SDK1: variants seen among roughly 807,000 people sequenced by gnomAD.
The protein encoded by SDK1 is protein sidekick-1.
SDK1 carries 157 observed loss-of-function variants against 245.5 expected under a neutral mutation model. The observed-to-expected ratio is 0.64, with a 90% CI of 0.56 to 0.73. The LOEUF (loss-of-function observed/expected upper bound fraction) is 0.73. SDK1 is among the 30% of genes least tolerant of loss of function. The pLI, the probability that SDK1 is intolerant of heterozygous loss-of-function variation, is 0.00. For missense variants in SDK1, 3,583 were observed against 3,002.3 expected (o/e 1.19, Z -4.52); for synonymous variants, 1,647 against 1,278.5 (o/e 1.29, Z -6.15).
chr7:3,666,590 T>C (rs1783541415), intron 4 of SDK1, among the ~76,000 whole-genome samples: 1 of 152,186 alleles, frequency 6.6e-6, no homozygotes, highest in African/African-American at 2.4e-5. Context: ...GCCTTGCTTC[T>C]CTGTATATCA....
chr7:4,058,364 A>G (rs913963875), intron 19 of SDK1, among the ~76,000 whole-genome samples: 4 of 152,214 alleles, frequency 2.6e-5, no homozygotes, highest in Non-Finnish European at 4.4e-5. Context: ...GTCACCATAA[A>G]GGAATGAGTA....
chr7:3,602,162 C>T (rs62437877), intron 1 of SDK1, among the ~76,000 whole-genome samples: 1 of 151,520 alleles, frequency 6.6e-6, no homozygotes, highest in Non-Finnish European at 1.5e-5. Flanking sequence ...CTTTATAGCA[C>T]AATGATTTAT....
At chr7:3,532,669 G>T (rs923360467) in intron 1 of SDK1, among the ~76,000 whole-genome samples, 1 of 152,094 alleles carries the variant, frequency 6.6e-6, no homozygotes, top group African/African-American at 2.4e-5. Context: ...AAATAAAGAA[G>T]GCTCTGTTAT....
chr7:3,641,510 C>A (rs1461164252), intron 3 of SDK1, among the ~76,000 whole-genome samples: 2 of 152,098 alleles, frequency 1.3e-5, no homozygotes, highest in African/African-American at 4.8e-5. Context: ...ACAGTGACCT[C>A]ACAAATGAAG....
chr7:4,081,266 C>T lies in SDK1; in HGVS notation c.3324+1682C>T, dbSNP rs145156825. ...CTCCTTTGGCCCATGTTCCGTTGCCCAGAACTTGGGCAACGTGGCCCTGTG... is the reference window on the plus strand; with the variant it reads ...CTCCTTTGGCCCATGTTCCGTTGCCTAGAACTTGGGCAACGTGGCCCTGTG... On this transcript the variant is annotated intron_variant, in intron 22 of 44. Transcript: ENST00000404826. 1.1e-4 allele frequency among the ~76,000 whole-genome samples: 17 copies of T among 152,254 alleles called. No individual in the cohort carries two copies. The East Asian group carries it at 3.3e-3, about 29-fold the overall frequency.
At chr7:3,878,745 C>T (rs1025446756) in intron 5 of SDK1, among the ~76,000 whole-genome samples, 28 of 152,186 alleles carry the variant, frequency 1.8e-4, no homozygotes, top group African/African-American at 6.3e-4. Flanking sequence ...TCTTCTCACC[C>T]ACCTTCTCAT....
intron 1 of SDK1, among the ~76,000 whole-genome samples, chr7:3,585,689 G>A (rs755844860): frequency 8.5e-5 from 13 of 152,270 alleles, no homozygotes; most frequent in Non-Finnish European, 1.6e-4. Context: ...TCTGAGAGAC[G>A]GGAGTTTGGT....
chr7:3,542,084 C>G (rs1292861367), intron 1 of SDK1, among the ~76,000 whole-genome samples: 1 of 152,114 alleles, frequency 6.6e-6, no homozygotes, highest in Non-Finnish European at 1.5e-5. Flanking sequence ...TATATTTTAA[C>G]GTATTTCACA....
chr7:3,462,021 T>C (rs1780846051), intron 1 of SDK1, among the ~76,000 whole-genome samples: 1 of 152,174 alleles, frequency 6.6e-6, no homozygotes, highest in East Asian at 1.9e-4. Flanking sequence ...ATCTAACTAC[T>C]GCACCCTACC....
rs187386621 is a variant in SDK1, at chr7:3,891,498, G to A, written c.848-59425G>A. On this transcript the variant is annotated intron_variant, in intron 5 of 44. Coordinates refer to ENST00000404826, the MANE Select transcript of SDK1 (RefSeq NM_152744.4). ...GGTCTATGTTAATCCAGCCGAAAGT[G>A]TAGTTATCGATTTGTCCCTTTTGAA... Among the ~76,000 whole-genome samples the A allele has an allele frequency of 3.3e-5, 5 of 152,324 alleles. No homozygotes were observed. The East Asian group carries it at 7.7e-4, about 24-fold the overall frequency.
chr7:3,921,754 C>T (rs907062214), intron 5 of SDK1, among the ~76,000 whole-genome samples: 3 of 152,010 alleles, frequency 2.0e-5, no homozygotes, highest in Admixed American at 6.5e-5. Context: ...TCACTTGAGC[C>T]CAGGAGCTCA....
At chr7:4,186,397 G>A (rs1396666781) in intron 35 of SDK1, among the ~76,000 whole-genome samples, 1 of 152,208 alleles carries the variant, frequency 6.6e-6, no homozygotes, top group Non-Finnish European at 1.5e-5. Context: ...TATCCCCAGG[G>A]TCGCTCTTTA....
At chr7:3,953,862 G>C (rs117833144) in intron 7 of SDK1, among the ~76,000 whole-genome samples, 7 of 152,280 alleles carry the variant, frequency 4.6e-5, no homozygotes, top group Middle Eastern at 3.4e-3. Flanking sequence ...ATTTGCTGTA[G>C]CAGGTAGGAT....
intron 14 of SDK1, among the ~76,000 whole-genome samples, chr7:4,007,664 G>C (rs1785589927): frequency 6.6e-6 from 1 of 152,084 alleles, no homozygotes; most frequent in Admixed American, 6.6e-5. Flanking sequence ...GAGTCCAGTG[G>C]CGCGGTCTCG....
At chr7:3,695,872 A>G (rs1483452694) in intron 4 of SDK1, among the ~76,000 whole-genome samples, 1 of 152,214 alleles carries the variant, frequency 6.6e-6, no homozygotes, top group East Asian at 1.9e-4. Flanking sequence ...ACCTTATTTC[A>G]TTCTGCAGTG....
intron 28 of SDK1, among the ~76,000 whole-genome samples, chr7:4,141,847 C>T (rs577418142): frequency 2.0e-3 from 300 of 152,274 alleles, no homozygotes; most frequent in African/African-American, 7.0e-3. Flanking sequence ...ACCTCCGCCT[C>T]CCGGGTTCAA....
intron 1 of SDK1, among the ~76,000 whole-genome samples, chr7:3,509,460 T>C (rs1008722492): frequency 1.3e-5 from 2 of 152,166 alleles, no homozygotes; most frequent in African/African-American, 4.8e-5. Flanking sequence ...GTAATGTCTG[T>C]AAAGCAATTA....
intron 1 of SDK1, among the ~76,000 whole-genome samples, chr7:3,402,528 C>T (rs1778916831): frequency 6.6e-6 from 1 of 152,288 alleles, no homozygotes; most frequent in East Asian, 1.9e-4. Flanking sequence ...CAAGCTGTGA[C>T]AACAATGCTT....
Position 3,786,811 on chromosome 7 carries a change from C to A in SDK1, c.714-34639C>A, listed in dbSNP as rs28568652. ...TTTTTAAAACAAGTTTTGAGGAATA[C>A]ACCTCGGTAGTACTACTGTACAGCT... is the stretch of plus-strand genomic sequence containing the variant. On this transcript the variant is annotated intron_variant, in intron 4 of 44. Coordinates refer to ENST00000404826, the MANE Select transcript of SDK1 (RefSeq NM_152744.4). 5.6e-3 allele frequency among the ~76,000 whole-genome samples: 848 copies of A among 152,136 alleles called. 8 individuals carry two copies. Among genetic ancestry groups the A allele is most frequent in the African/African-American group, 0.02 (815 of 41,480 alleles).
Sources: gnomAD v4.1 joint callset for allele counts (sites outside exome capture counted in the v4.1 genomes callset) on GRCh38, gnomAD v4.1.1 for gene constraint, MANE v1.5 for transcripts, NCBI Gene and HGNC (gene_info 2026-07-23, HGNC 2026-07-21) for gene names.